The following CCDC125 variants were observed in gnomAD, a reference collection of about 807,000 sequenced individuals.
CCDC125 encodes the protein coiled-coil domain containing 125.
A neutral mutation model predicts 57.4 loss-of-function variants in CCDC125; 43 were observed. The observed-to-expected ratio is 0.75, with a 90% CI of 0.59 to 0.97. The LOEUF (loss-of-function observed/expected upper bound fraction) is 0.97, where lower values mean the gene tolerates loss of function less well. Ranked by LOEUF, CCDC125 falls within the 50% of genes least tolerant of loss-of-function variation. The pLI is 0.00. For synonymous variants in CCDC125, 187 were observed against 195.2 expected (o/e 0.96, Z 0.35); for missense variants, 563 against 595.7 (o/e 0.95, Z 0.57).
chr5:69,276,665 G>A, downstream of CCDC125: 1 of 1,614,108 alleles, frequency 6.2e-7, no homozygotes, highest in Non-Finnish European at 8.5e-7. Flanking sequence ...CAATAAAAAG[G>A]AAAAGAACAG....
rs1305593268 is a variant in CCDC125, at chr5:69,292,272, CA to C, written c.1014del (p.Asn338LysfsTer7). The C allele has an allele frequency of 1.9e-6, 3 of 1,613,426 alleles. No homozygotes were observed. In the Admixed American group the frequency reaches 5.0e-5, roughly 27 times the overall value. On this transcript the variant is annotated frameshift_variant, in exon 10 of 12. Coordinates refer to ENST00000396496, the MANE Select transcript of CCDC125 (RefSeq NM_176816.5). LOFTEE classifies it high-confidence loss of function. Reference sequence around the variant, plus strand: ...ATTTGTGTCAATTGTAGTGCCTGGTCATTTTTTCTCATTAATTGTTGCTCAA... The same window carrying C: ...ATTTGTGTCAATTGTAGTGCCTGGTCTTTTTTCTCATTAATTGTTGCTCAA... Reference protein sequence around the residue: ...IAFEQQLMRKNDQALQLTQMD... With the variant: ...IAFEQQLMRKXDQALQLTQMD...
chr5:69,311,399 C>T (rs1485005501), intron 3 of CCDC125, among the ~76,000 whole-genome samples, 195 bp from the exon 4 acceptor site: 3 of 152,090 alleles, frequency 2.0e-5, no homozygotes, highest in Non-Finnish European at 4.4e-5. Context: ...ACCTGTAATC[C>T]CTGCATTTTG....
chr5:69,312,753 G>A (rs1758363411), intron 3 of CCDC125, among the ~76,000 whole-genome samples: 2 of 152,148 alleles, frequency 1.3e-5, no homozygotes, highest in African/African-American at 2.4e-5. Context: ...AAAAAGATGA[G>A]CTCTCAAGTT....
intron 1 of CCDC125, among the ~76,000 whole-genome samples, chr5:69,324,510 T>C (rs990895397): frequency 6.6e-6 from 1 of 152,352 alleles, no homozygotes; most frequent in Middle Eastern, 3.4e-3. Flanking sequence ...CGTACAAAGA[T>C]GTGTGCATGA....
chr5:69,328,210 T>C (rs962779136), intron 1 of CCDC125, among the ~76,000 whole-genome samples: 3 of 152,320 alleles, frequency 2.0e-5, no homozygotes, highest in Non-Finnish European at 1.5e-5. Context: ...TTTGTTTTAA[T>C]TTTTTAAATT....
intron 9 of CCDC125, among the ~76,000 whole-genome samples, chr5:69,293,338 G>A (rs1255081880): frequency 2.0e-5 from 3 of 152,024 alleles, no homozygotes; most frequent in Non-Finnish European, 4.4e-5. Context: ...TCCAAATGTT[G>A]GCTTTCCTAT....
At chr5:69,297,703 C>T (rs1208185797) in intron 8 of CCDC125, among the ~76,000 whole-genome samples, 1 of 151,042 alleles carries the variant, frequency 6.6e-6, no homozygotes, top group Admixed American at 6.6e-5. Context: ...GTGGCTCACG[C>T]CTGTAATCCC....
In CCDC125 at chr5:69,281,893, T is replaced by G. The variant is rs72767869; in HGVS notation, c.*836A>C. 0.23 allele frequency: 26,573 copies of G among 114,660 alleles called. 2,624 individuals are homozygous for G. Among genetic ancestry groups the G allele is most frequent in the African/African-American group, 0.39 (10,830 of 27,688 alleles). 7.1% of individuals were successfully genotyped at this position (114,660 alleles called of 1,614,324 possible). Reference sequence around the variant, plus strand: ...GGATGTTGGCAAACACTGTAATGTGTTTTTTTTTTTTTTTGAGACAGAGTT... The same window carrying G: ...GGATGTTGGCAAACACTGTAATGTGGTTTTTTTTTTTTTTGAGACAGAGTT... On this transcript the variant is annotated 3_prime_UTR_variant, in exon 12 of 12. Transcript: ENST00000396496.
chr5:69,286,224 AT>A (rs1561402935), intron 10 of CCDC125, among the ~76,000 whole-genome samples: 156 of 83,564 alleles, frequency 1.9e-3, no homozygotes, highest in African/African-American at 6.2e-3. Context: ...ATATATATAT[AT>A]ATATATATAA....
chr5:69,306,903 C>G lies in CCDC125; in HGVS notation c.532-1G>C. 1 of 1,496,994 alleles carries G rather than the reference C, an allele frequency of 6.7e-7. No individual in the cohort carries two copies. 92.7% of individuals were successfully genotyped at this position (1,496,994 alleles called of 1,614,324 possible). On this transcript the variant is annotated splice_acceptor_variant, in intron 5 of 11. Coordinates refer to ENST00000396496, the MANE Select transcript of CCDC125 (RefSeq NM_176816.5). LOFTEE classifies it high-confidence loss of function. ...TTTCCCACTGCAAGGCATTTATTTC[C>G]TATGGAAAGAAAATAGTACCTTCAT...
intron 9 of CCDC125, among the ~76,000 whole-genome samples, chr5:69,292,843 CTT>C (rs796130405): frequency 6.9e-6 from 1 of 145,402 alleles, no homozygotes. Flanking sequence ...TCTTCTTCTT[CTT>C]TTTTTTTTTT....
At chr5:69,302,864 T>C (rs1373846173) in intron 7 of CCDC125, among the ~76,000 whole-genome samples, 1 of 152,110 alleles carries the variant, frequency 6.6e-6, no homozygotes, top group Non-Finnish European at 1.5e-5. Context: ...TCTTCAAATA[T>C]CAGGTGCTCT....
intron 2 of CCDC125, 40 bp from the exon 3 acceptor site, chr5:69,314,086 T>G: frequency 7.3e-7 from 1 of 1,373,916 alleles, no homozygotes; most frequent in Non-Finnish European, 1.0e-6. Flanking sequence ...GGGGAAAAAT[T>G]TTGAATATTT....
downstream of CCDC125, chr5:69,280,166 G>C: frequency 6.6e-6 from 1 of 152,154 alleles, no homozygotes; most frequent in Admixed American, 6.6e-5. Context: ...TCAAGGAAAT[G>C]ACCATTTTCT....
chr5:69,299,405 G>C (rs368842914), intron 8 of CCDC125, among the ~76,000 whole-genome samples: 3 of 152,126 alleles, frequency 2.0e-5, no homozygotes, highest in Admixed American at 6.6e-5. Flanking sequence ...CACCGTGCCC[G>C]GCCTTCTTAA....
Position 69,330,526 on chromosome 5 carries a change from A to G in CCDC125, c.-41+2123T>C, listed in dbSNP as rs376819549. 1.9e-3 allele frequency among the ~76,000 whole-genome samples: 285 copies of G among 151,956 alleles called. 3 individuals are homozygous for G. Among genetic ancestry groups the G allele is most frequent in the African/African-American group, 5.8e-3 (242 of 41,454 alleles). ...GGAGAATCGCTTGAACCCGGGAGGC[A>G]GACATTGCAGTGAGCCGAGATTGCA... On this transcript the variant is annotated intron_variant, in intron 1 of 11. Coordinates refer to ENST00000396496, the MANE Select transcript of CCDC125 (RefSeq NM_176816.5).
At chr5:69,274,994 G>A in the CCDC125 span, among the ~76,000 whole-genome samples, 2 of 151,572 alleles carry the variant, frequency 1.3e-5, no homozygotes, top group African/African-American at 4.8e-5. Context: ...AACCCGGGAG[G>A]TGGAGGTTGC....
chr5:69,312,131 G>A (rs1758257326), intron 3 of CCDC125, among the ~76,000 whole-genome samples: 1 of 152,138 alleles, frequency 6.6e-6, no homozygotes, highest in African/African-American at 2.4e-5. Context: ...CCAATGACTA[G>A]TGTCCTTATA....
At chr5:69,330,113 T>G (rs1173863440) in intron 1 of CCDC125, among the ~76,000 whole-genome samples, 2 of 152,198 alleles carry the variant, frequency 1.3e-5, no homozygotes, top group Non-Finnish European at 2.9e-5. Flanking sequence ...CAGGTCCACC[T>G]GACTCCTGAA....
Sources: allele counts gnomAD v4.1 joint callset (sites outside exome capture counted in the v4.1 genomes callset), GRCh38; gene constraint gnomAD v4.1.1; transcripts MANE v1.5; gene names NCBI Gene and HGNC (gene_info 2026-07-23, HGNC 2026-07-21).